MUSK: variants seen among roughly 807,000 people sequenced by gnomAD.
MUSK encodes the protein muscle, skeletal receptor tyrosine-protein kinase.
A neutral mutation model predicts 88.7 loss-of-function variants in MUSK; 55 were observed. That is an observed-to-expected ratio of 0.62 (90% confidence interval 0.50 to 0.78). The LOEUF (loss-of-function observed/expected upper bound fraction) is 0.78. Among genes scored for constraint, MUSK ranks in the 30% least tolerant of loss-of-function variants. The pLI is 0.00. For missense variants in MUSK, 1,015 were observed against 1,074.3 expected (o/e 0.94, Z 0.77); for synonymous variants, 387 against 391.9 (o/e 0.99, Z 0.15).
intron 5 of MUSK, chr9:110,727,344 G>A (rs2076899002): frequency 6.6e-6 from 1 of 152,110 alleles, no homozygotes. Flanking sequence ...AAATCTCCAA[G>A]ACTTAGATCC....
At chr9:110,776,363 A>G (rs1241013084) in intron 10 of MUSK, among the ~76,000 whole-genome samples, 1 of 152,202 alleles carries the variant, frequency 6.6e-6, no homozygotes, top group East Asian at 1.9e-4. Context: ...AATAAGACAC[A>G]TGTTTGAAAA....
In MUSK at chr9:110,785,550, C is replaced by T. The variant is rs753647097; in HGVS notation, c.1610C>T (p.Thr537Ile). The change falls in exon 13 of 15, where the codon ACC becomes ATC. Residue 537 changes from threonine to isoleucine, a missense_variant. Transcript: ENST00000374448. ...AGAGAATCAGCAGCAGTAACCCTCA[C>T]CACACTGCCTTCTGAGCTCTTACTA... ...KKRESAAVTLTTLPSELLLDR... is the reference protein window; with the variant it reads ...KKRESAAVTLITLPSELLLDR... The T allele has an allele frequency of 4.3e-6, 7 of 1,611,494 alleles. No homozygotes were observed. The highest frequency in any genetic ancestry group is 1.1e-5 in the South Asian group (1 of 90,584).
intron 3 of MUSK, among the ~76,000 whole-genome samples, chr9:110,689,569 T>G (rs567751360): frequency 3.4e-5 from 3 of 89,520 alleles, no homozygotes; most frequent in African/African-American, 5.2e-5. Flanking sequence ...ATTATATATA[T>G]TTATATATTT....
chr9:110,682,616 G>GA, intron 1 of MUSK, 58 bp from the exon 2 acceptor site: 1 of 1,581,018 alleles, frequency 6.3e-7, no homozygotes, highest in Non-Finnish European at 8.6e-7. Context: ...ACTGCTTAAG[G>GA]AAGGGTTAGT....
chr9:110,743,512 A>C (rs1165016578), intron 6 of MUSK, among the ~76,000 whole-genome samples: 5 of 152,330 alleles, frequency 3.3e-5, no homozygotes, highest in Middle Eastern at 3.4e-3. Flanking sequence ...CATGCAACTA[A>C]AAAATATAGA....
At chr9:110,736,506 A>G (rs2077031604) in intron 6 of MUSK, among the ~76,000 whole-genome samples, 1 of 152,060 alleles carries the variant, frequency 6.6e-6, no homozygotes, top group Admixed American at 6.6e-5. Flanking sequence ...AAGGAGACCA[A>G]TGTGGTTAGT....
intron 6 of MUSK, among the ~76,000 whole-genome samples, chr9:110,736,572 C>T (rs776253525): frequency 3.9e-5 from 6 of 152,002 alleles, no homozygotes; most frequent in Non-Finnish European, 8.8e-5. Flanking sequence ...TCCTATAGGC[C>T]GTGTGGTCAT....
chr9:110,690,565 T>G (rs561559764), intron 3 of MUSK, among the ~76,000 whole-genome samples: 1 of 72,926 alleles, frequency 1.4e-5, no homozygotes, highest in Admixed American at 2.4e-4. Context: ...TATAAGTATA[T>G]ATATAAATAT....
chr9:110,685,049 G>C (rs750489354), intron 2 of MUSK, among the ~76,000 whole-genome samples: 1 of 152,032 alleles, frequency 6.6e-6, no homozygotes, highest in African/African-American at 2.4e-5. Context: ...TTCCAGACTA[G>C]AGGAAAGGCT....
chr9:110,725,326 A>G (rs1326148753), intron 5 of MUSK, among the ~76,000 whole-genome samples: 2 of 151,986 alleles, frequency 1.3e-5, no homozygotes, highest in Admixed American at 6.6e-5. Flanking sequence ...TTAGGTGGAT[A>G]GAAGTGGGAA....
At chr9:110,769,341 G>T (rs536306773) in intron 9 of MUSK, among the ~76,000 whole-genome samples, 1 of 152,220 alleles carries the variant, frequency 6.6e-6, no homozygotes, top group East Asian at 1.9e-4. Flanking sequence ...TTGAGGGTTT[G>T]GAGACACTAT....
chr9:110,775,826 A>G lies in MUSK; in HGVS notation c.1223A>G (p.Lys408Arg), dbSNP rs190208059. 3 of 1,613,908 alleles carry G rather than the reference A, an allele frequency of 1.9e-6. No individual in the cohort carries two copies. The East Asian group carries it at 6.7e-5, about 36-fold the overall frequency. Residue 408 changes from lysine to arginine, a missense_variant, in exon 10 of 15, where the codon AAA becomes AGA. Physicochemically the swap from Lys to Arg is conservative, Grantham distance 26. Transcript: ENST00000374448. ...CLAVKELFCA[K>R]EWLVMEEKTH... The stretch of plus-strand genomic sequence containing the variant: ...GCAGTAAAGGAGCTCTTCTGCGCAA[A>G]AGAATGGCTGGTAATGGAAGAGAAG...
intron 3 of MUSK, among the ~76,000 whole-genome samples, chr9:110,688,916 A>C (rs2076235961): frequency 6.8e-6 from 1 of 146,424 alleles, no homozygotes; most frequent in Admixed American, 7.0e-5. Flanking sequence ...TTTTTGTTAT[A>C]TATATTTATA....
chr9:110,731,879 A>C (rs1290728684), intron 5 of MUSK, among the ~76,000 whole-genome samples: 2 of 152,112 alleles, frequency 1.3e-5, no homozygotes, highest in African/African-American at 2.4e-5. Context: ...CAATAAGCCC[A>C]AATGATATTC....
chr9:110,750,826 C>G (rs2077238485), intron 7 of MUSK, among the ~76,000 whole-genome samples: 1 of 152,188 alleles, frequency 6.6e-6, no homozygotes, highest in African/African-American at 2.4e-5. Flanking sequence ...GTTAGAAAAA[C>G]TCCATCTGCT....
chr9:110,683,522 T>C (rs780506099), intron 2 of MUSK, among the ~76,000 whole-genome samples: 10 of 152,140 alleles, frequency 6.6e-5, no homozygotes, highest in Non-Finnish European at 1.3e-4. Context: ...GATCATATGG[T>C]AGCTCAATTT....
At chr9:110,698,341 G>A (rs1025310184) in intron 5 of MUSK, among the ~76,000 whole-genome samples, 7 of 152,094 alleles carry the variant, frequency 4.6e-5, no homozygotes, top group African/African-American at 1.2e-4. Flanking sequence ...ATAAATGTTG[G>A]CTATAAGAAT....
At chr9:110,674,610 A>T (rs1330597658) in intron 1 of MUSK, among the ~76,000 whole-genome samples, 6 of 151,890 alleles carry the variant, frequency 4.0e-5, no homozygotes, top group Admixed American at 6.6e-5. Flanking sequence ...GATGATGATG[A>T]TATTATTATT....
At chr9:110,798,066 G>T (rs961308948) in intron 14 of MUSK, among the ~76,000 whole-genome samples, 1 of 152,102 alleles carries the variant, frequency 6.6e-6, no homozygotes, top group Non-Finnish European at 1.5e-5. Context: ...ATTCCATTTG[G>T]ATATCCAATG....
Sources: gnomAD v4.1 joint callset for allele counts (sites outside exome capture counted in the v4.1 genomes callset) on GRCh38, gnomAD v4.1.1 for gene constraint, MANE v1.5 for transcripts, NCBI Gene and HGNC (gene_info 2026-07-23, HGNC 2026-07-21) for gene names.